The following PLPPR5 variants were observed in gnomAD, a reference collection of about 807,000 sequenced individuals.
PLPPR5 encodes phospholipid phosphatase related 5.
A neutral mutation model predicts 33.9 loss-of-function variants in PLPPR5; 16 were observed. The ratio of observed to expected loss-of-function variants is 0.47; its 90% CI spans 0.32 to 0.72. PLPPR5 has a LOEUF of 0.72. Among genes scored for constraint, PLPPR5 ranks in the 30% least tolerant of loss-of-function variants. The pLI is 0.03. For synonymous variants in PLPPR5, 163 were observed against 150.3 expected, an observed-to-expected ratio of 1.08 and a Z score of -0.62; for missense variants, 301 against 406.7, an observed-to-expected ratio of 0.74 and a Z score of 2.23.
At chr1:98,998,642 GATAAAAGTATATAACAAAA>G (rs1652715282) in intron 1 of PLPPR5, among the ~76,000 whole-genome samples, 1 of 152,100 alleles carries the variant, frequency 6.6e-6, no homozygotes, top group Non-Finnish European at 1.5e-5. Context: ...AACATGTTAG[GATAAAAGTATATAACAAAA>G]AATGAAATGC....
At chr1:98,934,206 T>C (rs1650095188) in intron 3 of PLPPR5, among the ~76,000 whole-genome samples, 1 of 152,112 alleles carries the variant, frequency 6.6e-6, no homozygotes, top group African/African-American at 2.4e-5. Flanking sequence ...TTCTGGGAAC[T>C]GGAGCTTGGG....
chr1:98,968,899 T>C (rs988091665), intron 1 of PLPPR5, among the ~76,000 whole-genome samples: 1 of 152,066 alleles, frequency 6.6e-6, no homozygotes, highest in Admixed American at 6.6e-5. Flanking sequence ...TGCAGTCTAG[T>C]TTTGGAGTTC....
chr1:98,893,243 T>C (rs1406457941), intron 5 of PLPPR5, 139 bp from the exon 6 acceptor site: 1 of 650,338 alleles, frequency 1.5e-6, no homozygotes, highest in Non-Finnish European at 2.5e-6. Flanking sequence ...TTAAACTAAG[T>C]TTTATGTATT....
At chr1:98,957,198 A>AG (rs1251892244) in intron 1 of PLPPR5, among the ~76,000 whole-genome samples, 1 of 80,260 alleles carries the variant, frequency 1.2e-5, no homozygotes, top group African/African-American at 4.9e-5. Flanking sequence ...GGGTTGGGGG[A>AG]GGGGGGAGGG....
chr1:98,926,447 AGTGTGT>A (rs60874366), intron 3 of PLPPR5, among the ~76,000 whole-genome samples: 15,165 of 132,522 alleles, frequency 0.11, 919 homozygotes, highest in African/African-American at 0.16. Context: ...AGGTTTGATT[AGTGTGT>A]GTGTGTGTGT....
chr1:98,918,168 G>A (rs1649425671), intron 4 of PLPPR5, among the ~76,000 whole-genome samples: 1 of 152,126 alleles, frequency 6.6e-6, no homozygotes, highest in Non-Finnish European at 1.5e-5. Flanking sequence ...ATTGCATGGG[G>A]TTAAGTGCAT....
At position 98,901,218 on chromosome 1, in the gene PLPPR5, G is replaced by A. The variant is rs193008875; in HGVS notation, c.934-8114C>T. The stretch of plus-strand genomic sequence containing the variant: ...AGACTCAAAAACTCAAAATGCATGA[G>A]TCCACTTATATAATATCCTGAGAAT... On this transcript the variant is annotated intron_variant, in intron 5 of 5. Transcript: ENST00000263177. 2.1e-3 allele frequency among the ~76,000 whole-genome samples: 318 copies of A among 152,216 alleles called. 1 individual carries two copies. The highest frequency in any genetic ancestry group is 6.8e-3 in the Middle Eastern group (2 of 294).
chr1:98,908,489 T>G (rs7555367), intron 5 of PLPPR5, among the ~76,000 whole-genome samples: 29,811 of 152,120 alleles, frequency 0.2, 3,146 homozygotes, highest in African/African-American at 0.22. Flanking sequence ...ATAATTAATA[T>G]AGTTTTTGTG....
At chr1:98,984,386 T>C (rs1028975023) in intron 1 of PLPPR5, among the ~76,000 whole-genome samples, 5 of 152,082 alleles carry the variant, frequency 3.3e-5, no homozygotes, top group African/African-American at 7.2e-5. Context: ...CTTCCAGCTA[T>C]GCTTGCCTTT....
Position 98,899,130 on chromosome 1 carries a change from G to A in PLPPR5, c.934-6026C>T, listed in dbSNP as rs551656270. 3.3e-5 allele frequency among the ~76,000 whole-genome samples: 5 copies of A among 152,186 alleles called. 1 individual carries two copies. In the East Asian group the frequency reaches 9.7e-4, roughly 29 times the overall value. The stretch of plus-strand genomic sequence containing the variant: ...CAGGATTTAATTGGTATGAGGCATG[G>A]CCTGGTTACTGGAATTTTTGAAGGC... On this transcript the variant is annotated intron_variant, in intron 5 of 5. Transcript: ENST00000263177.
At chr1:98,904,524 A>T (rs1296379979) in intron 5 of PLPPR5, among the ~76,000 whole-genome samples, 1 of 152,052 alleles carries the variant, frequency 6.6e-6, no homozygotes, top group Non-Finnish European at 1.5e-5. Context: ...ATTTTTAAAT[A>T]TTTTTGTTCT....
intron 2 of PLPPR5, among the ~76,000 whole-genome samples, chr1:98,954,056 T>C (rs954223598): frequency 2.0e-5 from 3 of 152,210 alleles, no homozygotes; most frequent in Admixed American, 6.5e-5. Flanking sequence ...TTTTAAAATT[T>C]ATTTGCTTTG....
chr1:98,938,474 C>G (rs148676210), intron 3 of PLPPR5, among the ~76,000 whole-genome samples: 168 of 144,772 alleles, frequency 1.2e-3, no homozygotes, highest in African/African-American at 3.8e-3. Context: ...AAATTTTAGT[C>G]GATACATAAA....
intron 5 of PLPPR5, among the ~76,000 whole-genome samples, chr1:98,902,720 T>C (rs1648742433): frequency 1.3e-5 from 2 of 152,138 alleles, no homozygotes; most frequent in South Asian, 4.1e-4. Flanking sequence ...TTCCCATCCA[T>C]GTGTAACTAA....
intron 1 of PLPPR5, among the ~76,000 whole-genome samples, chr1:98,996,556 T>C (rs1652639502): frequency 6.6e-6 from 1 of 152,096 alleles, no homozygotes; most frequent in South Asian, 2.1e-4. Context: ...CCACTTCACA[T>C]ATGTTAAAAT....
chr1:99,005,665 G>C (rs1028909358), upstream of PLPPR5, among the ~76,000 whole-genome samples: 4 of 152,078 alleles, frequency 2.6e-5, no homozygotes, highest in Non-Finnish European at 5.9e-5. Context: ...CACCAGGGTA[G>C]GAAAAAGGAC....
Position 99,004,425 on chromosome 1 carries a change from C to T in PLPPR5, c.237+10G>A. The T allele has an allele frequency of 1.3e-6, 2 of 1,595,016 alleles. No individual in the cohort carries two copies. The highest frequency in any genetic ancestry group is 1.7e-5 in the Admixed American group (1 of 57,806). ...GACTCGGCGACGAGGGCGAGCGCCCCCGGGCTTACCACGAGCACGGGGACC... is the reference window on the plus strand; with the variant it reads ...GACTCGGCGACGAGGGCGAGCGCCCTCGGGCTTACCACGAGCACGGGGACC... On this transcript the variant is annotated intron_variant, in intron 1 of 5. Coordinates refer to ENST00000263177, the MANE Select transcript of PLPPR5 (RefSeq NM_001037317.2).
At chr1:98,931,342 G>T (rs886559971) in intron 3 of PLPPR5, among the ~76,000 whole-genome samples, 1 of 151,822 alleles carries the variant, frequency 6.6e-6, no homozygotes, top group East Asian at 1.9e-4. Context: ...AACTGTGCTC[G>T]GTGCTTTACA....
chr1:98,961,492 T>C (rs890271737), intron 1 of PLPPR5, among the ~76,000 whole-genome samples: 1 of 152,182 alleles, frequency 6.6e-6, no homozygotes, highest in African/African-American at 2.4e-5. Flanking sequence ...GTTGAAAAAA[T>C]TATTGGCAAC....
Sources: gnomAD v4.1 joint callset for allele counts (sites outside exome capture counted in the v4.1 genomes callset) on GRCh38, gnomAD v4.1.1 for gene constraint, MANE v1.5 for transcripts, NCBI Gene and HGNC (gene_info 2026-07-23, HGNC 2026-07-21) for gene names.